Variants in INPP4B observed in about 807,000 individuals in gnomAD.
The protein encoded by INPP4B is inositol polyphosphate-4-phosphatase type II B, also known as inositol polyphosphate 4-phosphatase type II.
In INPP4B, 55 loss-of-function variants were observed where a neutral mutation model predicts 122.5. That is an observed-to-expected ratio of 0.45 (90% confidence interval 0.36 to 0.56). INPP4B has a LOEUF of 0.56. Among genes scored for constraint, INPP4B ranks in the 20% least tolerant of loss-of-function variants. INPP4B has a pLI of 0.00. For synonymous variants in INPP4B, 403 were observed against 388.7 expected, an observed-to-expected ratio of 1.04 and a Z score of -0.43; for missense variants, 1,000 against 1,097.7, an observed-to-expected ratio of 0.91 and a Z score of 1.26.
At chr4:142,441,845 C>T (rs1811795713) in intron 3 of INPP4B, among the ~76,000 whole-genome samples, 1 of 142,764 alleles carries the variant, frequency 7.0e-6, no homozygotes, top group African/African-American at 2.6e-5. Flanking sequence ...AATTGGGATA[C>T]ATAAGCACAT....
intron 7 of INPP4B, among the ~76,000 whole-genome samples, chr4:142,400,507 G>T (rs1221099773): frequency 1.3e-5 from 2 of 151,906 alleles, no homozygotes; most frequent in African/African-American, 2.4e-5. Flanking sequence ...TCACTTTAAA[G>T]AAAAACTTAA....
intron 2 of INPP4B, among the ~76,000 whole-genome samples, chr4:142,543,302 C>G (rs983214095): frequency 6.6e-6 from 1 of 152,076 alleles, no homozygotes; most frequent in Non-Finnish European, 1.5e-5. Context: ...GTTTAACTGT[C>G]CTGTTACCAT....
rs575591767 is a variant in INPP4B at position 142,396,099 on chromosome 4, A to C, written c.372+6839T>G. ...AAAAAGAGGGATTAACCATGAATGC[A>C]AAAAAAATTGATAAACTGGACTTAA... On this transcript the variant is annotated intron_variant, in intron 7 of 25. Transcript: ENST00000262992. Among the ~76,000 whole-genome samples, 44 of 151,896 alleles carry C rather than the reference A, an allele frequency of 2.9e-4. No individual in the cohort carries two copies. In the South Asian group the frequency reaches 4.8e-3, roughly 17 times the overall value.
intron 2 of INPP4B, among the ~76,000 whole-genome samples, chr4:142,721,598 G>A (rs904970731): frequency 2.0e-5 from 3 of 152,168 alleles, no homozygotes; most frequent in Non-Finnish European, 1.5e-5. Context: ...CGAGGCGGGT[G>A]GATCATGAGG....
intron 7 of INPP4B, among the ~76,000 whole-genome samples, chr4:142,374,432 T>C (rs917230728): frequency 6.6e-5 from 10 of 151,924 alleles, no homozygotes; most frequent in African/African-American, 1.4e-4. Context: ...AGATGTAGAA[T>C]AGAGAAGATT....
intron 1 of INPP4B, among the ~76,000 whole-genome samples, chr4:142,729,249 C>G (rs1469486606): frequency 6.6e-6 from 1 of 152,186 alleles, no homozygotes; most frequent in Non-Finnish European, 1.5e-5. Flanking sequence ...CGGTTTCTAA[C>G]AGGCCACAGA....
intron 9 of INPP4B, among the ~76,000 whole-genome samples, chr4:142,271,038 A>C (rs1022628447): frequency 4.6e-5 from 7 of 151,510 alleles, no homozygotes; most frequent in Admixed American, 2.0e-4. Flanking sequence ...ATCTCAGCTC[A>C]CCACAACCTC....
chr4:142,367,767 A>G (rs1788122740), intron 7 of INPP4B, among the ~76,000 whole-genome samples: 1 of 152,184 alleles, frequency 6.6e-6, no homozygotes, highest in African/African-American at 2.4e-5. Context: ...TGACACTAGA[A>G]TAAGGTTAGA....
chr4:142,824,134 G>T (rs377732326), intron 1 of INPP4B, among the ~76,000 whole-genome samples: 112 of 152,026 alleles, frequency 7.4e-4, no homozygotes, highest in Middle Eastern at 3.4e-3. Context: ...GGCCCCCCCA[G>T]GTTCTCAGGC....
chr4:142,383,136 C>A (rs1217571426), intron 7 of INPP4B, among the ~76,000 whole-genome samples: 1 of 152,066 alleles, frequency 6.6e-6, no homozygotes, highest in African/African-American at 2.4e-5. Flanking sequence ...CTGAATTAAA[C>A]ATTACTTGGT....
At chr4:142,214,892 C>A (rs1296805081) in intron 12 of INPP4B, among the ~76,000 whole-genome samples, 2 of 152,168 alleles carry the variant, frequency 1.3e-5, no homozygotes, top group South Asian at 2.1e-4. Context: ...GAAAAAAGAC[C>A]TTTATTGTGT....
intron 2 of INPP4B, among the ~76,000 whole-genome samples, chr4:142,562,036 A>G (rs1283922701): frequency 1.3e-5 from 2 of 149,704 alleles, no homozygotes; most frequent in African/African-American, 4.9e-5. Flanking sequence ...TCACAGGGGG[A>G]AAAAGAGGAA....
At chr4:142,811,133 G>A (rs1779469491) in intron 1 of INPP4B, among the ~76,000 whole-genome samples, 1 of 152,216 alleles carries the variant, frequency 6.6e-6, no homozygotes, top group South Asian at 2.1e-4. Context: ...AGTAGAGGCT[G>A]AGATTGGGGC....
intron 25 of INPP4B, among the ~76,000 whole-genome samples, chr4:142,065,793 C>T (rs1763215650): frequency 6.6e-6 from 1 of 152,116 alleles, no homozygotes; most frequent in Non-Finnish European, 1.5e-5. Context: ...CTAAAAACTA[C>T]TGCATTGTAC....
At chr4:142,586,975 AG>A (rs563004332) in intron 2 of INPP4B, among the ~76,000 whole-genome samples, 367 of 152,258 alleles carry the variant, frequency 2.4e-3, no homozygotes, top group African/African-American at 8.3e-3. Context: ...ATGTGAGAAG[AG>A]GTATATTGAG....
At chr4:142,740,038 G>A (rs756683439) in intron 1 of INPP4B, among the ~76,000 whole-genome samples, 2 of 152,022 alleles carry the variant, frequency 1.3e-5, no homozygotes, top group African/African-American at 4.8e-5. Flanking sequence ...ATAAAACATA[G>A]TATACAAATT....
At chr4:142,683,042 T>G (rs1758854733) in intron 2 of INPP4B, among the ~76,000 whole-genome samples, 2 of 151,962 alleles carry the variant, frequency 1.3e-5, no homozygotes, top group South Asian at 4.1e-4. Context: ...AAGCAAAGTT[T>G]AGCTCAGCTG....
At chr4:142,093,860 A>G (rs1325974665) in intron 23 of INPP4B, among the ~76,000 whole-genome samples, 1 of 151,762 alleles carries the variant, frequency 6.6e-6, no homozygotes, top group African/African-American at 2.4e-5. Flanking sequence ...CTTGTCTTAA[A>G]CAAATTTCAA....
At chr4:142,728,161 G>GT (rs1215174370) in intron 1 of INPP4B, among the ~76,000 whole-genome samples, 1 of 152,196 alleles carries the variant, frequency 6.6e-6, no homozygotes, top group Non-Finnish European at 1.5e-5. Context: ...AGAAACATTA[G>GT]TAACAGCACT....
Sources: allele counts gnomAD v4.1 joint callset (sites outside exome capture counted in the v4.1 genomes callset), GRCh38; gene constraint gnomAD v4.1.1; transcripts MANE v1.5; gene names NCBI Gene and HGNC (gene_info 2026-07-23, HGNC 2026-07-21).